DPYD: variants seen among roughly 807,000 people sequenced by gnomAD.
DPYD encodes the protein dihydropyrimidine dehydrogenase [NADP(+)].
Under a neutral mutation model 116.2 loss-of-function variants are expected in DPYD, and 109 were observed. That is an observed-to-expected ratio of 0.94 (90% confidence interval 0.80 to 1.10). DPYD has a LOEUF of 1.10. Ranked by LOEUF, DPYD falls within the 50% of genes least tolerant of loss-of-function variation. The pLI is 0.00. For missense variants in DPYD, 1,302 were observed against 1,254.5 expected (o/e 1.04, Z -0.57); for synonymous variants, 440 against 432.0 (o/e 1.02, Z -0.23).
intron 20 of DPYD, among the ~76,000 whole-genome samples, chr1:97,106,638 C>A (rs576299272): frequency 3.5e-4 from 54 of 152,178 alleles, no homozygotes; most frequent in Middle Eastern, 3.4e-3. Context: ...ATCTCCCAGT[C>A]CTGAGGCCTG....
chr1:97,735,890 C>G (rs1301673372), intron 4 of DPYD, among the ~76,000 whole-genome samples: 1 of 151,548 alleles, frequency 6.6e-6, no homozygotes, highest in Non-Finnish European at 1.5e-5. Context: ...AACTTCAAAA[C>G]AGAATTGAAG....
At chr1:97,746,086 T>C (rs1664534718) in intron 3 of DPYD, among the ~76,000 whole-genome samples, 1 of 152,086 alleles carries the variant, frequency 6.6e-6, no homozygotes, top group Admixed American at 6.6e-5. Context: ...TTTTACAGTA[T>C]CACATAGTTT....
intron 5 of DPYD, among the ~76,000 whole-genome samples, chr1:97,711,579 T>C (rs1481128878): frequency 6.6e-6 from 1 of 151,976 alleles, no homozygotes; most frequent in Non-Finnish European, 1.5e-5. Flanking sequence ...TCAGTTTTGA[T>C]AAATGTTCTG....
At chr1:97,826,830 CCT>C (rs1440474070) in intron 3 of DPYD, among the ~76,000 whole-genome samples, 1 of 151,370 alleles carries the variant, frequency 6.6e-6, no homozygotes, top group South Asian at 2.1e-4. Context: ...TTTATTTTTC[CCT>C]CTTTTTTTTA....
Position 97,085,024 on chromosome 1 carries a change from G to A in DPYD, c.2767-2554C>T, listed in dbSNP as rs1015406234. 2.2e-4 allele frequency among the ~76,000 whole-genome samples: 33 copies of A among 152,156 alleles called. 1 individual carries two copies. Among genetic ancestry groups the A allele is most frequent in the East Asian group, 9.6e-4 (5 of 5,184 alleles). On this transcript the variant is annotated intron_variant, in intron 21 of 22. Coordinates refer to ENST00000370192, the MANE Select transcript of DPYD (RefSeq NM_000110.4). ...TTTTACTGAACATTTTTATTGATAT[G>A]AGTATTTTAAATACAAAATAATCAT...
At chr1:97,385,665 A>G (rs982590980) in intron 14 of DPYD, among the ~76,000 whole-genome samples, 2 of 151,916 alleles carry the variant, frequency 1.3e-5, no homozygotes, top group Non-Finnish European at 2.9e-5. Flanking sequence ...CAGCATGTGC[A>G]CCTCCCTCTC....
intron 20 of DPYD, among the ~76,000 whole-genome samples, chr1:97,148,785 C>G (rs1379564595): frequency 6.6e-6 from 1 of 152,186 alleles, no homozygotes; most frequent in Non-Finnish European, 1.5e-5. Flanking sequence ...CTTGATAAAA[C>G]TTCTAATGAT....
At chr1:97,460,764 C>G (rs184316732) in intron 13 of DPYD, among the ~76,000 whole-genome samples, 2,626 of 152,258 alleles carry the variant, frequency 0.017, 34 homozygotes, top group Middle Eastern at 0.034. Flanking sequence ...CACGGCCAGG[C>G]ACGGTGGCTC....
intron 20 of DPYD, among the ~76,000 whole-genome samples, chr1:97,118,985 C>G (rs1021048181): frequency 6.6e-6 from 1 of 151,862 alleles, no homozygotes; most frequent in South Asian, 2.1e-4. Context: ...TTAGTGACAA[C>G]GGGAGAAAAT....
intron 12 of DPYD, among the ~76,000 whole-genome samples, chr1:97,540,396 A>G (rs1484205736): frequency 6.6e-6 from 1 of 151,702 alleles, no homozygotes; most frequent in Admixed American, 6.6e-5. Context: ...ACAAAACAAA[A>G]ACCAAACTTT....
chr1:97,864,250 A>G (rs1017878477), intron 2 of DPYD, among the ~76,000 whole-genome samples: 1 of 151,992 alleles, frequency 6.6e-6, no homozygotes, highest in African/African-American at 2.4e-5. Context: ...ATTGAAAGAA[A>G]AAAGGACAAA....
intron 18 of DPYD, among the ~76,000 whole-genome samples, chr1:97,297,556 G>A (rs936674170): frequency 3.3e-5 from 5 of 152,046 alleles, no homozygotes; most frequent in Non-Finnish European, 7.4e-5. Context: ...CTAACAGCAG[G>A]GACACTGCAT....
chr1:97,216,861 C>T (rs1441581017), intron 19 of DPYD, among the ~76,000 whole-genome samples: 4 of 152,210 alleles, frequency 2.6e-5, no homozygotes, highest in Non-Finnish European at 5.9e-5. Flanking sequence ...TATTTATACA[C>T]ATCTTCACAG....
intron 10 of DPYD, among the ~76,000 whole-genome samples, chr1:97,582,805 A>T (rs984371789): frequency 6.6e-6 from 1 of 152,230 alleles, no homozygotes; most frequent in African/African-American, 2.4e-5. Context: ...CACATTGGAT[A>T]AATATAGTCG....
intron 9 of DPYD, 79 bp downstream of exon 9, chr1:97,594,980 C>T (rs1480618048): frequency 8.7e-7 from 1 of 1,151,656 alleles, no homozygotes; most frequent in Non-Finnish European, 1.3e-6. Flanking sequence ...CAATGTGCTG[C>T]TGAGCTTGAT....
intron 14 of DPYD, among the ~76,000 whole-genome samples, chr1:97,417,647 G>A (rs1674358030): frequency 1.3e-5 from 2 of 152,048 alleles, no homozygotes; most frequent in Admixed American, 6.6e-5. Flanking sequence ...TTTATTTTAC[G>A]ATGTTGTTTT....
intron 8 of DPYD, among the ~76,000 whole-genome samples, chr1:97,660,205 G>A (rs138344250): frequency 1.8e-3 from 281 of 152,182 alleles, no homozygotes; most frequent in African/African-American, 6.7e-3. Flanking sequence ...ATTATTTATA[G>A]CTGGATAAAA....
At chr1:97,878,506 T>C (rs1672030061) in intron 2 of DPYD, among the ~76,000 whole-genome samples, 1 of 152,028 alleles carries the variant, frequency 6.6e-6, no homozygotes, top group African/African-American at 2.4e-5. Context: ...AATCCAAAAG[T>C]GAGTTTAGTA....
chr1:97,296,389 T>C (rs991901967), intron 18 of DPYD, among the ~76,000 whole-genome samples: 1 of 152,158 alleles, frequency 6.6e-6, no homozygotes. Context: ...TTCCAGTTTA[T>C]TTATTTAGAT....
Sources: gnomAD v4.1 joint callset for allele counts (sites outside exome capture counted in the v4.1 genomes callset) on GRCh38, gnomAD v4.1.1 for gene constraint, MANE v1.5 for transcripts, NCBI Gene and HGNC (gene_info 2026-07-23, HGNC 2026-07-21) for gene names.